The following SDCCAG8 variants were observed in gnomAD, a reference collection of about 807,000 sequenced individuals.
SDCCAG8 encodes the protein serologically defined colon cancer antigen 8.
A neutral mutation model predicts 101.8 loss-of-function variants in SDCCAG8; 74 were observed. The observed-to-expected ratio is 0.73, with a 90% confidence interval of 0.60 to 0.88. The LOEUF (loss-of-function observed/expected upper bound fraction) is 0.88. Among genes scored for constraint, SDCCAG8 ranks in the 40% least tolerant of loss-of-function variants. SDCCAG8 has a pLI of 0.00. For missense variants in SDCCAG8, 787 were observed against 822.6 expected, an observed-to-expected ratio of 0.96 and a Z score of 0.53; for synonymous variants, 281 against 292.9, an observed-to-expected ratio of 0.96 and a Z score of 0.41.
intron 16 of SDCCAG8, among the ~76,000 whole-genome samples, chr1:243,440,493 C>T (rs1347888980): frequency 6.6e-6 from 1 of 152,110 alleles, no homozygotes; most frequent in Non-Finnish European, 1.5e-5. Flanking sequence ...GTTCACTTTG[C>T]CTGTCGGAGA....
intron 12 of SDCCAG8, among the ~76,000 whole-genome samples, chr1:243,367,722 A>G (rs1156266468): frequency 1.3e-5 from 2 of 149,700 alleles, no homozygotes; most frequent in Non-Finnish European, 3.0e-5. Context: ...TATTACATAT[A>G]TTTAATATAT....
intron 16 of SDCCAG8, among the ~76,000 whole-genome samples, chr1:243,460,077 C>T (rs927384249): frequency 1.3e-5 from 2 of 152,152 alleles, no homozygotes; most frequent in Non-Finnish European, 2.9e-5. Flanking sequence ...TTTCTCCCTT[C>T]TGTTACCATG....
chr1:243,478,113 A>G lies in SDCCAG8; in HGVS notation c.1986-10901A>G, dbSNP rs115736171. On this transcript the variant is annotated intron_variant, in intron 16 of 17. Transcript: ENST00000366541. The stretch of plus-strand genomic sequence containing the variant: ...CTTCTCCCGCCCCCAGGCCTCGGAA[A>G]ATGAACTGGTGTCAGCTGCTGCCCA... Among the ~76,000 whole-genome samples the G allele has an allele frequency of 7.3e-3, 1,108 of 152,284 alleles. 14 individuals are homozygous for G. Among genetic ancestry groups the G allele is most frequent in the African/African-American group, 0.025 (1,041 of 41,572 alleles).
chr1:243,323,285 C>T (rs1034634209), intron 9 of SDCCAG8, among the ~76,000 whole-genome samples: 1 of 152,110 alleles, frequency 6.6e-6, no homozygotes, highest in Non-Finnish European at 1.5e-5. Context: ...TTTTCCAACT[C>T]CACTGCTGGC....
chr1:243,400,778 A>G (rs1421723570), intron 13 of SDCCAG8, among the ~76,000 whole-genome samples: 1 of 152,338 alleles, frequency 6.6e-6, no homozygotes, highest in Admixed American at 6.5e-5. Flanking sequence ...ATGAGATTTC[A>G]TAGAATAAGA....
At chr1:243,421,796 C>A (rs1178089241) in intron 15 of SDCCAG8, among the ~76,000 whole-genome samples, 1 of 152,158 alleles carries the variant, frequency 6.6e-6, no homozygotes, top group African/African-American at 2.4e-5. Context: ...CTTCTGTATT[C>A]CCCAGTACTC....
In SDCCAG8 at chr1:243,419,707, G is replaced by A. The variant is rs116633917; in HGVS notation, c.1853+1631G>A. Among the ~76,000 whole-genome samples the A allele has an allele frequency of 5.1e-3, 781 of 152,240 alleles. 4 individuals are homozygous for A. Among genetic ancestry groups the A allele is most frequent in the Non-Finnish European group, 6.5e-3 (442 of 68,016 alleles). On this transcript the variant is annotated intron_variant, in intron 15 of 17. Coordinates refer to ENST00000366541, the MANE Select transcript of SDCCAG8 (RefSeq NM_006642.5). ...AGGTATTTCTGGTTCCAAAGTATAC[G>A]TTCTTTCTTATGGTAATTACAGTAT...
intron 16 of SDCCAG8, among the ~76,000 whole-genome samples, chr1:243,470,773 A>C (rs1211595611): frequency 6.6e-6 from 1 of 152,180 alleles, no homozygotes; most frequent in Non-Finnish European, 1.5e-5. Flanking sequence ...CTCCTGTGGC[A>C]AGACAGCATC....
At chr1:243,369,728 T>C (rs147214904) in intron 12 of SDCCAG8, among the ~76,000 whole-genome samples, 48 of 152,256 alleles carry the variant, frequency 3.2e-4, no homozygotes, top group African/African-American at 1.1e-3. Context: ...ACATTGTGAT[T>C]GATGGCTGTC....
intron 12 of SDCCAG8, among the ~76,000 whole-genome samples, chr1:243,365,953 G>A (rs1313398845): frequency 1.3e-5 from 2 of 151,942 alleles, no homozygotes; most frequent in African/African-American, 4.8e-5. Flanking sequence ...CTTCATTTAA[G>A]GTAATAGTGT....
chr1:243,408,196 C>G (rs115021608), intron 13 of SDCCAG8, among the ~76,000 whole-genome samples: 2 of 152,120 alleles, frequency 1.3e-5, no homozygotes, highest in African/African-American at 2.4e-5. Context: ...TTCATTCATT[C>G]GTTTATTCAT....
chr1:243,464,581 C>G (rs1444176535), intron 16 of SDCCAG8, among the ~76,000 whole-genome samples: 1 of 152,164 alleles, frequency 6.6e-6, no homozygotes, highest in African/African-American at 2.4e-5. Context: ...TATTTCAAAC[C>G]AGTATTGCTG....
intron 13 of SDCCAG8, among the ~76,000 whole-genome samples, chr1:243,398,864 T>C (rs1304578578): frequency 6.6e-6 from 1 of 152,238 alleles, no homozygotes; most frequent in East Asian, 1.9e-4. Context: ...ATATGAGTCT[T>C]TAATTTTTTT....
intron 4 of SDCCAG8, among the ~76,000 whole-genome samples, chr1:243,283,788 T>C (rs1381492720): frequency 1.3e-5 from 2 of 152,192 alleles, no homozygotes; most frequent in Non-Finnish European, 2.9e-5. Flanking sequence ...TTGCCCAGGC[T>C]CAAGTGCAGT....
intron 9 of SDCCAG8, among the ~76,000 whole-genome samples, chr1:243,326,466 C>T (rs1355737937): frequency 6.6e-6 from 1 of 152,112 alleles, no homozygotes; most frequent in Admixed American, 6.5e-5. Flanking sequence ...TGGTTATAGT[C>T]ACAAGGATAG....
Position 243,316,806 on chromosome 1 carries a change from A to G in SDCCAG8, c.981A>G (p.Ala327=), listed in dbSNP as rs2073281083. The G allele has an allele frequency of 6.2e-7, 1 of 1,614,110 alleles. No homozygotes were observed. The highest frequency in any genetic ancestry group is 1.3e-5 in the African/African-American group (1 of 74,946). The part of the protein sequence containing the change: ...SALVSVRSSL[A]DTQQREASAY... ...TAGTTTCCGTAAGGAGCAGCTTGGC[A>G]GATACGCAGCAAAGAGAAGCAAGTG... The change falls in exon 9 of 18, where the codon GCA becomes GCG. Residue 327 remains alanine, a synonymous_variant. Coordinates refer to ENST00000366541, the MANE Select transcript of SDCCAG8 (RefSeq NM_006642.5).
At chr1:243,322,405 C>G (rs1438976829) in intron 9 of SDCCAG8, among the ~76,000 whole-genome samples, 1 of 152,138 alleles carries the variant, frequency 6.6e-6, no homozygotes, top group African/African-American at 2.4e-5. Flanking sequence ...ACTATGTACT[C>G]AACAAAAATT....
chr1:243,384,044 C>A (rs1316549579), intron 13 of SDCCAG8, among the ~76,000 whole-genome samples: 1 of 152,100 alleles, frequency 6.6e-6, no homozygotes, highest in East Asian at 1.9e-4. Context: ...CCCTTGAATC[C>A]TTCTTCCCAC....
At chr1:243,314,156 C>T (rs2073025693) in intron 8 of SDCCAG8, among the ~76,000 whole-genome samples, 2 of 152,202 alleles carry the variant, frequency 1.3e-5, no homozygotes, top group South Asian at 2.1e-4. Flanking sequence ...TGACTACCTA[C>T]CTGCAAGCTT....
Sources: gnomAD v4.1 joint callset for allele counts (sites outside exome capture counted in the v4.1 genomes callset) on GRCh38, gnomAD v4.1.1 for gene constraint, MANE v1.5 for transcripts, NCBI Gene and HGNC (gene_info 2026-07-23, HGNC 2026-07-21) for gene names.